Variants in KAT2B observed in about 807,000 individuals in gnomAD.
KAT2B encodes the protein histone acetyltransferase KAT2B.
In KAT2B, 36 loss-of-function variants were observed where a neutral mutation model predicts 105.9. The ratio of observed to expected loss-of-function variants is 0.34; its 90% CI spans 0.26 to 0.45. KAT2B has a LOEUF of 0.45. Among genes scored for constraint, KAT2B ranks in the 20% least tolerant of loss-of-function variants. KAT2B has a pLI of 1.00. For missense variants in KAT2B, 820 were observed against 1,021.6 expected (o/e 0.80, Z 2.69); for synonymous variants, 397 against 377.9 (o/e 1.05, Z -0.59).
chr3:20,112,154 G>C (rs1297648111), intron 6 of KAT2B, among the ~76,000 whole-genome samples: 1 of 148,586 alleles, frequency 6.7e-6, no homozygotes, highest in African/African-American at 2.5e-5. Flanking sequence ...TGGTGCAAAA[G>C]AGCTCAAGTG....
chr3:20,057,259 C>G (rs940265030), intron 1 of KAT2B, among the ~76,000 whole-genome samples: 1 of 152,052 alleles, frequency 6.6e-6, no homozygotes, highest in African/African-American at 2.4e-5. Context: ...GAGGGCAAGC[C>G]TTTTTGTAAA....
intron 13 of KAT2B, among the ~76,000 whole-genome samples, chr3:20,145,873 G>A (rs1210235345): frequency 6.6e-6 from 1 of 152,098 alleles, no homozygotes; most frequent in Non-Finnish European, 1.5e-5. Flanking sequence ...ACTTTCTGGG[G>A]CCCGTTTACC....
intron 2 of KAT2B, among the ~76,000 whole-genome samples, chr3:20,087,022 C>T (rs775628839): frequency 5.3e-5 from 8 of 152,146 alleles, no homozygotes; most frequent in Non-Finnish European, 8.8e-5. Context: ...CCTCGTGATC[C>T]ACCTGCCTTG....
intron 2 of KAT2B, among the ~76,000 whole-genome samples, chr3:20,082,020 A>G (rs1279955876): frequency 2.0e-5 from 3 of 151,852 alleles, no homozygotes; most frequent in African/African-American, 4.8e-5. Flanking sequence ...ATATTTCAAT[A>G]TACAGTTCCT....
chr3:20,054,558 A>G (rs1697972935), intron 1 of KAT2B, among the ~76,000 whole-genome samples: 1 of 152,250 alleles, frequency 6.6e-6, no homozygotes, highest in Non-Finnish European at 1.5e-5. Flanking sequence ...GGTTGCTTCC[A>G]TTAAATTCCA....
At chr3:20,149,399 G>C (rs1304183337) in intron 17 of KAT2B, among the ~76,000 whole-genome samples, 4 of 150,688 alleles carry the variant, frequency 2.7e-5, no homozygotes, top group South Asian at 2.1e-4. Context: ...GGGAGGCTGA[G>C]GTTGGAGGAT....
chr3:20,050,732 C>T (rs1462003865), intron 1 of KAT2B, among the ~76,000 whole-genome samples: 13 of 146,904 alleles, frequency 8.8e-5, no homozygotes, highest in African/African-American at 3.3e-4. Flanking sequence ...GAGACGGAGT[C>T]TCGCTCTGTC....
intron 2 of KAT2B, among the ~76,000 whole-genome samples, chr3:20,093,874 A>G (rs1256544252): frequency 6.6e-6 from 1 of 152,178 alleles, no homozygotes; most frequent in East Asian, 1.9e-4. Context: ...ATTCCAGCCC[A>G]GAGAAGTTCC....
At chr3:20,071,187 A>G (rs1308798486) in intron 1 of KAT2B, among the ~76,000 whole-genome samples, 1 of 152,220 alleles carries the variant, frequency 6.6e-6, no homozygotes, top group East Asian at 1.9e-4. Context: ...AGTCTTCTAA[A>G]TCTGTATATT....
At chr3:20,091,543 T>A (rs975259919) in intron 2 of KAT2B, among the ~76,000 whole-genome samples, 1 of 152,090 alleles carries the variant, frequency 6.6e-6, no homozygotes, top group African/African-American at 2.4e-5. Flanking sequence ...TGGACTTTAG[T>A]TCGTTCTTCT....
intron 1 of KAT2B, among the ~76,000 whole-genome samples, chr3:20,066,056 G>T (rs1698218048): frequency 6.6e-6 from 1 of 152,130 alleles, no homozygotes; most frequent in Middle Eastern, 3.4e-3. Flanking sequence ...CTGAGATCAA[G>T]ATGTCATCTG....
At chr3:20,069,693 T>G (rs770214374) in intron 1 of KAT2B, among the ~76,000 whole-genome samples, 2 of 151,768 alleles carry the variant, frequency 1.3e-5, no homozygotes, top group Non-Finnish European at 2.9e-5. Flanking sequence ...ACCCGGCTAA[T>G]TTTTGTATTT....
chr3:20,070,322 T>TC (rs1698299038), intron 1 of KAT2B, among the ~76,000 whole-genome samples: 1 of 145,334 alleles, frequency 6.9e-6, no homozygotes. Context: ...TTTTTTTTTT[T>TC]TGAGATGGAG....
intron 7 of KAT2B, among the ~76,000 whole-genome samples, chr3:20,118,585 T>G (rs940335404): frequency 1.3e-5 from 2 of 149,484 alleles, no homozygotes; most frequent in Admixed American, 1.3e-4. Flanking sequence ...TAGCTGGGAG[T>G]TGTGGCAGGC....
chr3:20,102,417 A>G (rs79733891), intron 5 of KAT2B, among the ~76,000 whole-genome samples: 6,972 of 152,270 alleles, frequency 0.046, 167 homozygotes, highest in Non-Finnish European at 0.053. Context: ...AACATTTTAC[A>G]TTAGTTATAA....
intron 9 of KAT2B, among the ~76,000 whole-genome samples, chr3:20,123,168 C>T (rs1198097449): frequency 6.6e-6 from 1 of 152,200 alleles, no homozygotes; most frequent in South Asian, 2.1e-4. Flanking sequence ...ACCTCTCTTT[C>T]TCTCTGCGCC....
chr3:20,151,443 G>GTT (rs57662568), intron 17 of KAT2B, among the ~76,000 whole-genome samples: 3 of 149,620 alleles, frequency 2.0e-5, no homozygotes, highest in South Asian at 4.2e-4. Context: ...CAGAAGTGGG[G>GTT]TTTTTTTTTT....
intron 1 of KAT2B, among the ~76,000 whole-genome samples, chr3:20,053,339 C>T (rs1290552451): frequency 6.6e-6 from 1 of 152,076 alleles, no homozygotes; most frequent in Admixed American, 6.6e-5. Flanking sequence ...GGTTTGAGAC[C>T]AGCCTGGGCA....
chr3:20,100,487 T>C (rs1698891607), intron 4 of KAT2B, among the ~76,000 whole-genome samples: 1 of 152,216 alleles, frequency 6.6e-6, no homozygotes, highest in Admixed American at 6.5e-5. Context: ...TTCTGTTAGG[T>C]GTTGTCAGTA....
Sources: gnomAD v4.1 joint callset for allele counts (sites outside exome capture counted in the v4.1 genomes callset) on GRCh38, gnomAD v4.1.1 for gene constraint, MANE v1.5 for transcripts, NCBI Gene and HGNC (gene_info 2026-07-23, HGNC 2026-07-21) for gene names.